Variants in DENND4B observed in about 807,000 individuals in gnomAD.
DENND4B encodes DENN domain-containing protein 4B.
In DENND4B, 67 loss-of-function variants were observed where a neutral mutation model predicts 161.0. The ratio of observed to expected loss-of-function variants is 0.42; its 90% CI spans 0.34 to 0.51. The LOEUF is 0.51. Ranked by LOEUF, DENND4B falls within the 20% of genes least tolerant of loss-of-function variation. The pLI is 0.08. For missense variants in DENND4B, 1,481 were observed against 1,968.0 expected, an observed-to-expected ratio of 0.75 and a Z score of 4.68; for synonymous variants, 753 against 813.8, an observed-to-expected ratio of 0.93 and a Z score of 1.27.
At chr1:153,946,779 G>C (rs1396820670), upstream of DENND4B, 6 of 369,690 alleles carry the variant, frequency 1.6e-5, no homozygotes, top group Non-Finnish European at 2.4e-5. This position sits in a 1 kb window ranked among gnomAD's most constrained non-coding sequence, Gnocchi z 6.3. Context: ...CCTGCACCCA[G>C]GTAGCTTCCC....
At chr1:153,939,323 G>A (rs1195667444) in intron 12 of DENND4B, among the ~76,000 whole-genome samples, 1 of 152,050 alleles carries the variant, frequency 6.6e-6, no homozygotes, top group African/African-American at 2.4e-5. Flanking sequence ...TTGCCCGTGG[G>A]GGCTGCTCAC....
chr1:153,940,586 C>T lies in DENND4B; in HGVS notation c.1347G>A (p.Trp449Ter). 1 of 1,612,726 alleles carries T rather than the reference C, an allele frequency of 6.2e-7. No individual in the cohort carries two copies. The highest frequency in any genetic ancestry group is 8.5e-7 in the Non-Finnish European group (1 of 1,179,418). ...ALVSMIFPLH[W>*]QCPYIPLCPL... is the part of the protein sequence containing the mutation. Reference sequence around the variant, plus strand: ...GGCACAGAGGAATGTAGGGGCACTGCCAGTGCAGTGGGAAGATCATCTGAA... The same window carrying T: ...GGCACAGAGGAATGTAGGGGCACTGTCAGTGCAGTGGGAAGATCATCTGAA... Residue 449 changes from tryptophan to a stop codon, truncating the protein, a stop_gained, in exon 10 of 28, where the codon TGG becomes TGA. Coordinates refer to ENST00000361217, the MANE Select transcript of DENND4B (RefSeq NM_014856.3). LOFTEE classifies it high-confidence loss of function. The surrounding 1 kb of genome is among the most constrained non-coding windows in gnomAD (Gnocchi z 5.6).
Position 153,944,465 on chromosome 1 carries a change from C to G in DENND4B, c.-23-68G>C. ...GGGATGCCATGGCAACCAGGGTACC[C>G]TCTTGCTCCCCTCCTCTTCCTAGTC... On this transcript the variant is annotated intron_variant, in intron 1 of 27. Transcript: ENST00000361217. The surrounding 1 kb of genome is among the most constrained non-coding windows in gnomAD (Gnocchi z 4.8). The G allele has an allele frequency of 7.0e-7, 1 of 1,428,392 alleles. No homozygotes were observed. The allele number at this position is 1,428,392 out of a possible 1,614,324, so 88.5% of individuals were successfully genotyped here.
intron 1 of DENND4B, among the ~76,000 whole-genome samples, chr1:153,945,526 C>A (rs1163296382): frequency 6.6e-6 from 1 of 151,624 alleles, no homozygotes; most frequent in Non-Finnish European, 1.5e-5. Context: ...TAGAGCCAGG[C>A]TGGCTTTCTT....
Position 153,933,905 on chromosome 1 carries a change from C to A in DENND4B, c.2942-34G>T. On this transcript the variant is annotated intron_variant, in intron 19 of 27. Transcript: ENST00000361217. The surrounding 1 kb of genome is among the most constrained non-coding windows in gnomAD (Gnocchi z 5.7). ...CAGAAAAGAATGAGGGAAGATGGAC[C>A]CCAGCCTCTGCACCAACTTCCCCTT... 1 of 1,590,960 alleles carries A rather than the reference C, an allele frequency of 6.3e-7. No homozygotes were observed. The highest frequency in any genetic ancestry group is 1.1e-5 in the South Asian group (1 of 87,152).
rs1430497921 is a variant in DENND4B, at chr1:153,934,042, G to A, written c.2941+93C>T. On this transcript the variant is annotated intron_variant, in intron 19 of 27. Transcript: ENST00000361217. This position sits in a 1 kb window ranked among gnomAD's most constrained non-coding sequence, Gnocchi z 5.3. The stretch of plus-strand genomic sequence containing the variant: ...TCTACAGCACCCACCACAGAGGGCC[G>A]CCCTCCACTCTGTTTCTGGTCTTCC... The A allele has an allele frequency of 3.3e-5, 48 of 1,463,060 alleles. No individual in the cohort carries two copies. The highest frequency in any genetic ancestry group is 2.7e-4 in the African/African-American group (19 of 69,816). 90.6% of individuals were successfully genotyped at this position (1,463,060 alleles called of 1,614,324 possible).
intron 1 of DENND4B, chr1:153,945,329 T>C (rs1374714920): frequency 2.0e-5 from 8 of 406,726 alleles, no homozygotes; most frequent in African/African-American, 1.3e-4. Flanking sequence ...AGTCAGCCTA[T>C]GGGTGTGTGT....
Position 153,932,625 on chromosome 1 carries a change from T to A in DENND4B, c.3759+17A>T. 1.2e-6 allele frequency: 2 copies of A among 1,606,424 alleles called. No individual in the cohort carries two copies. The highest frequency in any genetic ancestry group is 2.2e-5 in the East Asian group (1 of 44,720). On this transcript the variant is annotated intron_variant, in intron 23 of 27. Coordinates refer to ENST00000361217, the MANE Select transcript of DENND4B (RefSeq NM_014856.3). The surrounding 1 kb of genome is among the most constrained non-coding windows in gnomAD (Gnocchi z 5.8). ...GCAACATTCCCGTTCCTCATGCCCC[T>A]TTGGCCCAGCCCTTACCCCCATGTG...
Position 153,946,403 on chromosome 1 carries a change from C to G in DENND4B, c.-126G>C. 1.0e-5 allele frequency: 4 copies of G among 384,748 alleles called. No homozygotes were observed. Among genetic ancestry groups the G allele is most frequent in the Non-Finnish European group, 1.8e-5 (4 of 217,020 alleles). The allele number at this position is 384,748 out of a possible 1,614,324, so 23.8% of individuals were successfully genotyped here. A position where few individuals can be genotyped will look rare whatever the true frequency, so the allele number is the denominator to read the frequency against. The stretch of plus-strand genomic sequence containing the variant: ...GCTACCCGGCCCCAGACATGGCGCA[C>G]CCGACTTGGGCGCCGCTCCCGCCCG... On this transcript the variant is annotated 5_prime_UTR_variant, in exon 1 of 28. Coordinates refer to ENST00000361217, the MANE Select transcript of DENND4B (RefSeq NM_014856.3). This position sits in a 1 kb window ranked among gnomAD's most constrained non-coding sequence, Gnocchi z 6.3.
chr1:153,939,399 C>A (rs1379192845), intron 12 of DENND4B, among the ~76,000 whole-genome samples, 190 bp downstream of exon 12: 1 of 152,074 alleles, frequency 6.6e-6, no homozygotes, highest in Non-Finnish European at 1.5e-5. Context: ...CTGGTTTCAT[C>A]TTTGTACCCT....
rs1160825142 is a variant in DENND4B, at chr1:153,942,093, C to A, written c.831G>T (p.Gln277His). 6.2e-7 allele frequency: 1 copy of A among 1,613,328 alleles called. No individual in the cohort carries two copies. The highest frequency in any genetic ancestry group is 8.5e-7 in the Non-Finnish European group (1 of 1,179,704). ...TGGCCCTTGGGAACGCCTCGTAGAA[C>A]TGCAGGGCGGCACCATACACCTGGC... ...AGDKVYGAALQFYEAFPRARL... is the reference protein window; with the variant it reads ...AGDKVYGAALHFYEAFPRARL... The change falls in exon 6 of 28, where the codon CAG becomes CAT. Residue 277 changes from glutamine (Q) to histidine (H), a missense_variant. Gln to His is a conservative substitution (Grantham distance 24). Transcript: ENST00000361217. The surrounding 1 kb of genome is among the most constrained non-coding windows in gnomAD (Gnocchi z 6.9).
Position 153,936,329 on chromosome 1 carries a change from C to G in DENND4B, c.2440-141G>C. On this transcript the variant is annotated intron_variant, in intron 16 of 27. Transcript: ENST00000361217. The surrounding 1 kb of genome is among the most constrained non-coding windows in gnomAD (Gnocchi z 4.1). Reference sequence around the variant, plus strand: ...GGTCCTGGGGCTACCTCAGAGCCACCCACCCTTTCTGCTGACCCTGCCACC... The same window carrying G: ...GGTCCTGGGGCTACCTCAGAGCCACGCACCCTTTCTGCTGACCCTGCCACC... 1 of 1,316,866 alleles carries G rather than the reference C, an allele frequency of 7.6e-7. No individual in the cohort carries two copies. The highest frequency in any genetic ancestry group is 1.5e-5 in the South Asian group (1 of 68,520). The allele number at this position is 1,316,866 out of a possible 1,614,324, so 81.6% of individuals were successfully genotyped here.
rs1168592300 is a variant in DENND4B, at chr1:153,941,891, G to C, written c.1033C>G (p.Pro345Ala). 26 of 1,611,958 alleles carry C rather than the reference G, an allele frequency of 1.6e-5. No individual in the cohort carries two copies. The highest frequency in any genetic ancestry group is 2.2e-5 in the Non-Finnish European group (26 of 1,179,854). Residue 345 changes from proline (P) to alanine (A), a missense_variant, in exon 6 of 28, where the codon CCC becomes GCC. Transcript: ENST00000361217. ...CACGCTTCCAAGGGTAGGCGGTGGG[G>C]GCCTGAGACGGAGTAGCGGTAAAGG... Reference protein sequence around the residue: ...TFLYRYSVSGPHRLPLEAHIS... With the variant: ...TFLYRYSVSGAHRLPLEAHIS...
chr1:153,932,577 G>T lies in DENND4B; in HGVS notation c.3759+65C>A. On this transcript the variant is annotated intron_variant, in intron 23 of 27. Coordinates refer to ENST00000361217, the MANE Select transcript of DENND4B (RefSeq NM_014856.3). The surrounding 1 kb of genome is among the most constrained non-coding windows in gnomAD (Gnocchi z 5.8). ...CAAGAGATGTGCCCATCTCTCCCTGGCACCCCACAGGCCCCACACAGGGCA... is the reference window on the plus strand; with the variant it reads ...CAAGAGATGTGCCCATCTCTCCCTGTCACCCCACAGGCCCCACACAGGGCA... 3.2e-6 allele frequency: 5 copies of T among 1,575,088 alleles called. No homozygotes were observed. In the South Asian group the frequency reaches 5.8e-5, roughly 18 times the overall value.
At chr1:153,935,944 C>A in intron 17 of DENND4B, 116 bp downstream of exon 17, 1 of 1,358,520 alleles carries the variant, frequency 7.4e-7, no homozygotes, top group Admixed American at 2.1e-5. Context: ...ACAGTGGTTC[C>A]AGGACCTAGG....
In DENND4B at chr1:153,937,819, C is replaced by T. The variant is rs761662922; in HGVS notation, c.2010G>A (p.Glu670=). 6.2e-7 allele frequency: 1 copy of T among 1,613,972 alleles called. No homozygotes were observed. Among genetic ancestry groups the T allele is most frequent in the East Asian group, 2.2e-5 (1 of 44,888 alleles). The change falls in exon 14 of 28, where the codon GAG becomes GAA. Residue 670 remains glutamate (E), a synonymous_variant. Coordinates refer to ENST00000361217, the MANE Select transcript of DENND4B (RefSeq NM_014856.3). This position sits in a 1 kb window ranked among gnomAD's most constrained non-coding sequence, Gnocchi z 4.7. ...GCTCACTTCCTGACAGCTCCTCTAG[C>T]TCCACTAAGGGTGTCGGCTCAGGCT... is the stretch of plus-strand genomic sequence containing the variant. ...QEKPEPTPLV[E]LEELSGSELT... is the part of the protein sequence containing the mutation.
At position 153,944,148 on chromosome 1, in the gene DENND4B, G is replaced by C; in HGVS notation, c.227C>G (p.Pro76Arg). Residue 76 changes from proline (P) to arginine (R), a missense_variant, in exon 2 of 28, where the codon CCC becomes CGC. Pro to Arg is a moderately radical substitution (Grantham distance 103). Around this residue, in one of 3 missense-constraint regions of DENND4B, gnomAD observed 806 missense variants for 1,134.4 expected, o/e 0.71. Transcript: ENST00000361217. This position sits in a 1 kb window ranked among gnomAD's most constrained non-coding sequence, Gnocchi z 4.8. ...TCIQASAGGH[P>R]LELSAGLLGG... The stretch of plus-strand genomic sequence containing the variant: ...CAGAAGTCCAGCACTGAGTTCCAAG[G>C]GGTGGCCCCCAGCAGAAGCCTGGAT... 1 of 1,613,074 alleles carries C rather than the reference G, an allele frequency of 6.2e-7. No homozygotes were observed. Among genetic ancestry groups the C allele is most frequent in the Non-Finnish European group, 8.5e-7 (1 of 1,179,510 alleles).
chr1:153,932,042 G>T lies in DENND4B; in HGVS notation c.3996+162C>A. ...GGCTGGTCTCGAACTCCTGACCTCA[G>T]GTGATTCGCCCACCTCGGCCTCCCA... On this transcript the variant is annotated intron_variant, in intron 24 of 27. Transcript: ENST00000361217. This position sits in a 1 kb window ranked among gnomAD's most constrained non-coding sequence, Gnocchi z 5.8. The T allele has an allele frequency of 1.6e-6, 1 of 629,240 alleles. No homozygotes were observed. The highest frequency in any genetic ancestry group is 2.7e-6 in the Non-Finnish European group (1 of 363,688). 39.0% of individuals were successfully genotyped at this position (629,240 alleles called of 1,614,324 possible). A position where few individuals can be genotyped will look rare whatever the true frequency, so the allele number is the denominator to read the frequency against.
At position 153,944,021 on chromosome 1, in the gene DENND4B, A is replaced by G. The variant is rs1679822963; in HGVS notation, c.317+37T>C. 2 of 1,508,436 alleles carry G rather than the reference A, an allele frequency of 1.3e-6. No individual in the cohort carries two copies. The highest frequency in any genetic ancestry group is 1.8e-6 in the Non-Finnish European group (2 of 1,127,098). 93.4% of individuals were successfully genotyped at this position (1,508,436 alleles called of 1,614,324 possible). A position where few individuals can be genotyped will look rare whatever the true frequency, so the allele number is the denominator to read the frequency against. On this transcript the variant is annotated intron_variant, in intron 2 of 27. Transcript: ENST00000361217. This position sits in a 1 kb window ranked among gnomAD's most constrained non-coding sequence, Gnocchi z 4.8. The stretch of plus-strand genomic sequence containing the variant: ...TCCCTGTCTCACTGGAGTCCCTCCC[A>G]GCCTCCCCTGGTGCCAGCATGGGTA...
Sources: allele counts gnomAD v4.1 joint callset (sites outside exome capture counted in the v4.1 genomes callset), GRCh38; gene constraint gnomAD v4.1.1; regional missense constraint gnomAD v4.1.1; non-coding constraint Gnocchi (gnomAD v3.1); transcripts MANE v1.5; gene names NCBI Gene and HGNC (gene_info 2026-07-23, HGNC 2026-07-21).